CYFIP2: variants seen among roughly 807,000 people sequenced by gnomAD.
CYFIP2 encodes cytoplasmic FMR1-interacting protein 2.
In CYFIP2, 29 loss-of-function variants were observed where a neutral mutation model predicts 158.7. The ratio of observed to expected loss-of-function variants is 0.18; its 90% CI spans 0.14 to 0.25. CYFIP2 has a LOEUF of 0.25. CYFIP2 is among the 10% of genes least tolerant of loss of function. The pLI is 1.00. For missense variants in CYFIP2, 852 were observed against 1,639.5 expected, an observed-to-expected ratio of 0.52 and a Z score of 8.29; for synonymous variants, 585 against 617.6, an observed-to-expected ratio of 0.95 and a Z score of 0.78.
intron 10 of CYFIP2, chr5:157,310,933 G>T (rs1759661944): frequency 2.2e-6 from 1 of 453,464 alleles, no homozygotes; most frequent in Admixed American, 2.4e-5. Flanking sequence ...AGGGTGAAGG[G>T]AGTGGTCCTT....
At chr5:157,360,215 C>T in intron 24 of CYFIP2, 67 bp from the exon 25 acceptor site, 1 of 1,353,940 alleles carries the variant, frequency 7.4e-7, no homozygotes, top group Non-Finnish European at 1.0e-6. Flanking sequence ...TCAGAGGTCT[C>T]AGCATAACCT....
At chr5:157,309,916 C>T (rs903669438) in intron 10 of CYFIP2, 82 bp downstream of exon 10, 3 of 1,301,984 alleles carry the variant, frequency 2.3e-6, no homozygotes, top group South Asian at 2.5e-5. Context: ...TTCAGCCCCT[C>T]CTCCCTCCCC....
intron 1 of CYFIP2, among the ~76,000 whole-genome samples, chr5:157,268,591 T>C (rs2113797495): frequency 6.6e-6 from 1 of 152,350 alleles, no homozygotes; most frequent in Admixed American, 6.5e-5. Flanking sequence ...AAGATTGGAC[T>C]ACACTCTCAA....
In CYFIP2 at chr5:157,392,938, A is replaced by G. The variant is rs753609617; in HGVS notation, c.3700A>G (p.Thr1234Ala). Residue 1234 changes from threonine (T) to alanine (A), a missense_variant, in exon 31 of 31, where the codon ACT (threonine) becomes GCT (alanine). Thr to Ala is a moderately conservative substitution (Grantham distance 58, BLOSUM62 0). Around this residue, in one of 8 missense-constraint regions of CYFIP2, gnomAD observed 223 missense variants for 381.6 expected, o/e 0.58. Coordinates refer to ENST00000620254, the MANE Select transcript of CYFIP2 (RefSeq NM_001037333.3). ...GAAGTCCGTGGAGACAGACAGTTCC[A>G]CTGTGGAGCATGTGCGCTGCTTCCA... ...YMKSVETDSS[T>A]VEHVRCFQPP... 1.2e-6 allele frequency: 2 copies of G among 1,614,000 alleles called. No individual in the cohort carries two copies. Among genetic ancestry groups the G allele is most frequent in the Non-Finnish European group, 1.7e-6 (2 of 1,179,878 alleles).
At chr5:157,268,661 C>G (rs1190844933) in intron 1 of CYFIP2, among the ~76,000 whole-genome samples, 3 of 152,234 alleles carry the variant, frequency 2.0e-5, no homozygotes, top group Non-Finnish European at 1.5e-5. Flanking sequence ...ACAAAATGGC[C>G]TTTTGTAGCC....
chr5:157,356,297 G>A (rs938881511), intron 23 of CYFIP2, among the ~76,000 whole-genome samples: 6 of 152,070 alleles, frequency 3.9e-5, no homozygotes, highest in African/African-American at 4.8e-5. Flanking sequence ...TTTCTGATGA[G>A]GGCACTGATC....
At chr5:157,341,289 AC>A (rs1311514717) in intron 23 of CYFIP2, 132 bp downstream of exon 23, 10 of 787,606 alleles carry the variant, frequency 1.3e-5, no homozygotes, top group Non-Finnish European at 2.1e-5. Context: ...AGTGGCTCAT[AC>A]CTTTAATCCC....
At chr5:157,386,598 C>A (rs992014774) in intron 28 of CYFIP2, among the ~76,000 whole-genome samples, 2 of 152,134 alleles carry the variant, frequency 1.3e-5, no homozygotes, top group Non-Finnish European at 2.9e-5. Context: ...TAACAAAATG[C>A]TCAGCGGTAG....
chr5:157,330,171 T>C (rs1202407183), intron 19 of CYFIP2, among the ~76,000 whole-genome samples: 1 of 152,066 alleles, frequency 6.6e-6, no homozygotes, highest in East Asian at 1.9e-4. Context: ...GCACTTCTCC[T>C]CTGCAATCCA....
Position 157,304,320 on chromosome 5 carries a change from A to T in CYFIP2, c.749A>T (p.Glu250Val). The change falls in exon 8 of 31, where the codon GAG (glutamate) becomes GTG (valine). Residue 250 changes from glutamate (E) to valine (V), a missense_variant. Coordinates refer to ENST00000620254, the MANE Select transcript of CYFIP2 (RefSeq NM_001037333.3). ...GTCAACATCTGTGTGGATTACTACG[A>T]GAACAAGATGTACCTGACTCCCAGT... is the stretch of plus-strand genomic sequence containing the variant. ...DIVNICVDYY[E>V]NKMYLTPSEK... 1 of 1,614,006 alleles carries T rather than the reference A, an allele frequency of 6.2e-7. No homozygotes were observed. The highest frequency in any genetic ancestry group is 8.5e-7 in the Non-Finnish European group (1 of 1,179,894).
At chr5:157,324,386 T>C (rs191550858) in intron 16 of CYFIP2, among the ~76,000 whole-genome samples, 1 of 152,298 alleles carries the variant, frequency 6.6e-6, no homozygotes, top group African/African-American at 2.4e-5. Flanking sequence ...TGCTAGACTT[T>C]TGCTACTCAG....
intron 21 of CYFIP2, among the ~76,000 whole-genome samples, chr5:157,335,465 A>G (rs1416772623): frequency 6.6e-6 from 1 of 152,178 alleles, no homozygotes; most frequent in Non-Finnish European, 1.5e-5. Context: ...TTTAGTAGAG[A>G]TGGGGTTTCA....
rs557160439 is a variant in CYFIP2, at chr5:157,266,558, C to G, written c.-24+363C>G. 6.6e-6 allele frequency: 1 copy of G among 152,518 alleles called. No homozygotes were observed. Among genetic ancestry groups the G allele is most frequent in the South Asian group, 2.1e-4 (1 of 4,824 alleles). 9.4% of individuals were successfully genotyped at this position (152,518 alleles called of 1,614,324 possible). On this transcript the variant is annotated intron_variant, in intron 1 of 30. Transcript: ENST00000620254. This position sits in a 1 kb window ranked among gnomAD's most constrained non-coding sequence, Gnocchi z 4.2. ...GAGACACCTGCAGCGGCCGCGAGCC[C>G]GGCAGCGGCGACATCCTCGAGTCCA...
At chr5:157,360,567 A>G (rs1256865878) in intron 25 of CYFIP2, among the ~76,000 whole-genome samples, 195 bp downstream of exon 25, 1 of 151,982 alleles carries the variant, frequency 6.6e-6, no homozygotes, top group Non-Finnish European at 1.5e-5. Context: ...TAGGGAGATG[A>G]TGCTTGCGGG....
At position 157,302,779 on chromosome 5, in the gene CYFIP2, C is replaced by A; in HGVS notation, c.570-15C>A. ...TGGACAGTCCTCTCTGCAGCACCCA[C>A]TATCTGCGTTTCAGGGCAGCACAGT... On this transcript the variant is annotated splice_polypyrimidine_tract_variant and intron_variant, in intron 6 of 30. Coordinates refer to ENST00000620254, the MANE Select transcript of CYFIP2 (RefSeq NM_001037333.3). The A allele has an allele frequency of 6.4e-7, 1 of 1,562,654 alleles. No individual in the cohort carries two copies. Among genetic ancestry groups the A allele is most frequent in the Admixed American group, 1.9e-5 (1 of 52,310 alleles).
intron 28 of CYFIP2, among the ~76,000 whole-genome samples, chr5:157,385,282 TAACA>T (rs1766565289): frequency 6.6e-6 from 1 of 152,242 alleles, no homozygotes; most frequent in South Asian, 2.1e-4. Context: ...GCCTAGTGTT[TAACA>T]AATAAAAGCC....
intron 23 of CYFIP2, chr5:157,342,909 T>C (rs1296508381): frequency 1.2e-6 from 2 of 1,613,896 alleles, no homozygotes; most frequent in African/African-American, 1.3e-5. Context: ...CCACCCCCCC[T>C]CTGTAAGGCA....
intron 2 of CYFIP2, 91 bp downstream of exon 2, chr5:157,285,569 T>G: frequency 8.6e-7 from 1 of 1,158,750 alleles, no homozygotes; most frequent in Non-Finnish European, 1.2e-6. Flanking sequence ...AGGGGAGGTC[T>G]GCATCTAGAA....
rs556083213 is a variant in CYFIP2 at position 157,311,281 on chromosome 5, T to A, written c.993-383T>A. 2.7e-6 allele frequency: 1 copy of A among 369,550 alleles called. No homozygotes were observed. Among genetic ancestry groups the A allele is most frequent in the Non-Finnish European group, 5.3e-6 (1 of 189,324 alleles). 22.9% of individuals were successfully genotyped at this position (369,550 alleles called of 1,614,324 possible). A position where few individuals can be genotyped will look rare whatever the true frequency, so the allele number is the denominator to read the frequency against. On this transcript the variant is annotated intron_variant, in intron 10 of 30. Coordinates refer to ENST00000620254, the MANE Select transcript of CYFIP2 (RefSeq NM_001037333.3). This position sits in a 1 kb window ranked among gnomAD's most constrained non-coding sequence, Gnocchi z 4.7. ...AGCTTCAACCGCAGAGTGTCTGTGC[T>A]GTCAGAGTGGGTAGGCTGGTTTTGG...
Sources: allele counts gnomAD v4.1 joint callset (sites outside exome capture counted in the v4.1 genomes callset), GRCh38; gene constraint gnomAD v4.1.1; regional missense constraint gnomAD v4.1.1; non-coding constraint Gnocchi (gnomAD v3.1); transcripts MANE v1.5; gene names NCBI Gene and HGNC (gene_info 2026-07-23, HGNC 2026-07-21).